The following ZNF385D variants were observed in gnomAD, a reference collection of about 807,000 sequenced individuals.
The protein encoded by ZNF385D is zinc finger protein 385D.
In ZNF385D, 15 loss-of-function variants were observed where a neutral mutation model predicts 35.8. The observed-to-expected ratio is 0.42, with a 90% CI of 0.28 to 0.64. The LOEUF is 0.64. ZNF385D is among the 30% of genes least tolerant of loss of function. ZNF385D has a pLI of 0.23. For synonymous variants in ZNF385D, 212 were observed against 186.8 expected (o/e 1.13, Z -1.10); for missense variants, 474 against 494.6 (o/e 0.96, Z 0.39).
intron 2 of ZNF385D, among the ~76,000 whole-genome samples, chr3:22,335,934 A>G (rs1052012160): frequency 6.6e-6 from 1 of 152,156 alleles, no homozygotes; most frequent in Non-Finnish European, 1.5e-5. Flanking sequence ...AGGAGAATTT[A>G]TATTTTTATT....
chr3:21,444,297 G>C (rs370813863), intron 4 of ZNF385D, among the ~76,000 whole-genome samples: 1 of 150,936 alleles, frequency 6.6e-6, no homozygotes, highest in Non-Finnish European at 1.5e-5. Context: ...GGTCAGGCTG[G>C]TCTTGAACTC....
chr3:21,602,512 ATTTT>A (rs1413340067), intron 2 of ZNF385D, among the ~76,000 whole-genome samples: 6 of 90,208 alleles, frequency 6.7e-5, no homozygotes, highest in African/African-American at 2.9e-4. Context: ...GTTTCCCTGC[ATTTT>A]CTTTTTTTTT....
At chr3:22,337,644 G>C (rs967448286) in intron 2 of ZNF385D, among the ~76,000 whole-genome samples, 2 of 152,196 alleles carry the variant, frequency 1.3e-5, no homozygotes, top group African/African-American at 4.8e-5. Context: ...AGATAGACTT[G>C]ACATAGAGTT....
intron 3 of ZNF385D, among the ~76,000 whole-genome samples, chr3:21,791,102 T>G (rs533623640): frequency 6.6e-5 from 10 of 152,342 alleles, no homozygotes; most frequent in East Asian, 5.8e-4. Flanking sequence ...TCACAAGTAC[T>G]TTTCATGAGA....
chr3:21,915,371 T>C (rs562121327), intron 3 of ZNF385D, among the ~76,000 whole-genome samples: 2 of 152,288 alleles, frequency 1.3e-5, no homozygotes, highest in South Asian at 4.1e-4. Flanking sequence ...TTCAAGACAA[T>C]GTAAATAGAA....
chr3:21,484,481 C>A (rs1704876934), intron 4 of ZNF385D, among the ~76,000 whole-genome samples: 1 of 152,162 alleles, frequency 6.6e-6, no homozygotes, highest in African/African-American at 2.4e-5. Flanking sequence ...CAGACCTCTT[C>A]CTCCTGCGAT....
intron 3 of ZNF385D, among the ~76,000 whole-genome samples, chr3:22,064,560 G>T (rs1006433151): frequency 5.3e-5 from 8 of 152,146 alleles, no homozygotes; most frequent in African/African-American, 1.9e-4. Flanking sequence ...CAGATGAACA[G>T]ATAAAGAAAA....
At chr3:21,455,346 C>T (rs1702731270) in intron 4 of ZNF385D, among the ~76,000 whole-genome samples, 1 of 152,180 alleles carries the variant, frequency 6.6e-6, no homozygotes, top group Admixed American at 6.5e-5. Context: ...TACTACAAGC[C>T]TACAGTAACC....
intron 4 of ZNF385D, among the ~76,000 whole-genome samples, chr3:21,486,595 C>G (rs1413629578): frequency 6.6e-6 from 1 of 152,138 alleles, no homozygotes; most frequent in Non-Finnish European, 1.5e-5. Flanking sequence ...AATTTCCTAT[C>G]TGCTGGGAAG....
chr3:21,717,690 G>C (rs892850759), intron 1 of ZNF385D, among the ~76,000 whole-genome samples: 1 of 152,152 alleles, frequency 6.6e-6, no homozygotes, highest in Non-Finnish European at 1.5e-5. Context: ...TAGTGAATAA[G>C]TCTCATGAGA....
At chr3:22,205,490 C>T (rs11706691) in intron 2 of ZNF385D, among the ~76,000 whole-genome samples, 27,787 of 151,758 alleles carry the variant, frequency 0.18, 3,325 homozygotes, top group East Asian at 0.43. Flanking sequence ...TATAGCACTG[C>T]AATTGTGGCA....
chr3:22,163,630 T>C (rs1576427715), intron 3 of ZNF385D, among the ~76,000 whole-genome samples: 1 of 152,190 alleles, frequency 6.6e-6, no homozygotes, highest in Non-Finnish European at 1.5e-5. Flanking sequence ...TGTTAGGCAA[T>C]CCTTAAATGA....
intron 3 of ZNF385D, among the ~76,000 whole-genome samples, chr3:22,164,608 CTT>C (rs5847166): frequency 1.4e-4 from 20 of 138,286 alleles, no homozygotes; most frequent in Admixed American, 2.9e-4. Flanking sequence ...CCCAAAGGGA[CTT>C]TTTTTTTTTT....
At chr3:22,156,523 T>C (rs9864211) in intron 3 of ZNF385D, among the ~76,000 whole-genome samples, 140,294 of 152,096 alleles carry the variant, frequency 0.92, 64,856 homozygotes, top group African/African-American at 0.98. Flanking sequence ...CGATGACAGT[T>C]CCTAAAACAT....
intron 3 of ZNF385D, among the ~76,000 whole-genome samples, chr3:21,772,759 C>T (rs370302947): frequency 9.9e-5 from 15 of 151,992 alleles, no homozygotes; most frequent in Middle Eastern, 3.4e-3. Flanking sequence ...TGAACACCTA[C>T]GTTCATAACA....
chr3:21,711,039 G>GTTTTTTGTTTTTTT (rs1269796345), intron 1 of ZNF385D, among the ~76,000 whole-genome samples: 1 of 83,152 alleles, frequency 1.2e-5, no homozygotes, highest in Non-Finnish European at 2.1e-5. Flanking sequence ...CCCTCTAAAA[G>GTTTTTTGTTTTTTT]TTTTTTTTTT....
At chr3:22,202,948 G>C (rs1297401019) in intron 2 of ZNF385D, among the ~76,000 whole-genome samples, 2 of 152,032 alleles carry the variant, frequency 1.3e-5, no homozygotes, top group African/African-American at 2.4e-5. Flanking sequence ...AAATAATCTT[G>C]AAATGCAATC....
At chr3:22,195,277 T>C (rs1430552254) in intron 2 of ZNF385D, among the ~76,000 whole-genome samples, 1 of 151,996 alleles carries the variant, frequency 6.6e-6, no homozygotes, top group Admixed American at 6.6e-5. Flanking sequence ...AAACATATTT[T>C]AATGTGTTTA....
At chr3:22,278,072 C>T (rs1217722345) in intron 2 of ZNF385D, among the ~76,000 whole-genome samples, 1 of 152,044 alleles carries the variant, frequency 6.6e-6, no homozygotes, top group Non-Finnish European at 1.5e-5. Flanking sequence ...TTGTAATAAT[C>T]TGCTTTAATG....
Sources: gnomAD v4.1 joint callset for allele counts (sites outside exome capture counted in the v4.1 genomes callset) on GRCh38, gnomAD v4.1.1 for gene constraint, MANE v1.5 for transcripts, NCBI Gene and HGNC (gene_info 2026-07-23, HGNC 2026-07-21) for gene names.